Variants in TULP4 observed in about 807,000 individuals in gnomAD.
TULP4 encodes tubby-related protein 4.
A neutral mutation model predicts 129.0 loss-of-function variants in TULP4; 16 were observed. That is an observed-to-expected ratio of 0.12 (90% CI 0.08 to 0.19). TULP4 has a LOEUF of 0.19. Ranked by LOEUF, TULP4 falls within the 10% of genes least tolerant of loss-of-function variation. The pLI is 1.00. For synonymous variants in TULP4, 998 were observed against 854.0 expected, an observed-to-expected ratio of 1.17 and a Z score of -2.94; for missense variants, 1,842 against 2,059.1, an observed-to-expected ratio of 0.89 and a Z score of 2.04.
chr6:158,274,182 C>T (rs564487319), intron 1 of TULP4, among the ~76,000 whole-genome samples: 3 of 151,982 alleles, frequency 2.0e-5, no homozygotes, highest in Non-Finnish European at 4.4e-5. Context: ...TGCTTGAACC[C>T]GGGAGGTGGA....
At chr6:158,487,747 C>G (rs564383229) in intron 8 of TULP4, among the ~76,000 whole-genome samples, 44 of 152,360 alleles carry the variant, frequency 2.9e-4, no homozygotes, top group African/African-American at 1.0e-3. Flanking sequence ...GCAGGCAGTG[C>G]CTGCACGTGT....
intron 2 of TULP4, among the ~76,000 whole-genome samples, chr6:158,429,206 T>G (rs1778573252): frequency 6.6e-6 from 1 of 152,208 alleles, no homozygotes; most frequent in South Asian, 2.1e-4. Context: ...TGGCGCTATC[T>G]TGGCTCACTG....
At chr6:158,405,751 A>G (rs1241048099) in intron 1 of TULP4, among the ~76,000 whole-genome samples, 1 of 152,106 alleles carries the variant, frequency 6.6e-6, no homozygotes, top group Non-Finnish European at 1.5e-5. Context: ...TGGCGTTCCA[A>G]AGGCCACAAG....
intron 1 of TULP4, among the ~76,000 whole-genome samples, chr6:158,356,251 A>T (rs947826656): frequency 6.6e-6 from 1 of 152,222 alleles, no homozygotes; most frequent in African/African-American, 2.4e-5. Context: ...GGATAAAAAA[A>T]GGACCAAAGA....
At chr6:158,470,224 G>A (rs1305232480) in intron 6 of TULP4, among the ~76,000 whole-genome samples, 1 of 152,230 alleles carries the variant, frequency 6.6e-6, no homozygotes, top group Admixed American at 6.5e-5. Flanking sequence ...AGGGATGGGA[G>A]TCAGCGGCGG....
intron 8 of TULP4, among the ~76,000 whole-genome samples, chr6:158,485,186 C>G (rs1780037107): frequency 2.0e-5 from 3 of 152,148 alleles, no homozygotes; most frequent in Non-Finnish European, 2.9e-5. Flanking sequence ...GGATATGTAA[C>G]TGAAGAGATT....
At chr6:158,445,764 T>C (rs1779021655) in intron 3 of TULP4, among the ~76,000 whole-genome samples, 1 of 152,192 alleles carries the variant, frequency 6.6e-6, no homozygotes, top group South Asian at 2.1e-4. Context: ...AAGGATGCAG[T>C]CATGCGTTTC....
At chr6:158,408,444 T>C (rs1249813694) in intron 1 of TULP4, among the ~76,000 whole-genome samples, 4 of 152,232 alleles carry the variant, frequency 2.6e-5, no homozygotes, top group Non-Finnish European at 5.9e-5. Context: ...GTCTTTATCT[T>C]CTGGAGTTTT....
chr6:158,434,538 C>G (rs189103506), intron 3 of TULP4, among the ~76,000 whole-genome samples: 2 of 152,256 alleles, frequency 1.3e-5, no homozygotes, highest in Non-Finnish European at 2.9e-5. Flanking sequence ...TCTGCCAGAG[C>G]GAATGTTTCA....
At chr6:158,359,189 A>C (rs1780711457) in intron 1 of TULP4, among the ~76,000 whole-genome samples, 2 of 152,070 alleles carry the variant, frequency 1.3e-5, no homozygotes, top group African/African-American at 4.8e-5. Context: ...ATGGGTGTCC[A>C]CTTCGTTTAC....
rs192066155 is a variant in TULP4 at position 158,468,069 on chromosome 6, T to C, written c.1026+6340T>C. Among the ~76,000 whole-genome samples, 103 of 152,328 alleles carry C rather than the reference T, an allele frequency of 6.8e-4. 1 individual carries two copies. Among genetic ancestry groups the C allele is most frequent in the African/African-American group, 2.2e-3 (92 of 41,580 alleles). ...ACTCTGCTTTGCCAGTCCAGCTGTG[T>C]GGGAGCCGCTTACAGACTCCCTGCT... On this transcript the variant is annotated intron_variant, in intron 6 of 13. Coordinates refer to ENST00000367097, the MANE Select transcript of TULP4 (RefSeq NM_020245.5).
rs1211158748 is a variant in TULP4 at position 158,504,143 on chromosome 6, G to A, written c.4480G>A (p.Ala1494Thr). ...DFGGRVTQES[A>T]KNFQIELEGR... ...CGGGGGGCGGGTGACCCAGGAGTCCGCCAAGAACTTCCAGATTGAGTTAGA... is the reference window on the plus strand; with the variant it reads ...CGGGGGGCGGGTGACCCAGGAGTCCACCAAGAACTTCCAGATTGAGTTAGA... The change falls in exon 13 of 14, where the codon GCC (alanine) becomes ACC (threonine). Residue 1494 changes from alanine to threonine, a missense_variant. Physicochemically the swap from Ala to Thr is moderately conservative, Grantham distance 58. This residue lies in a region of TULP4 where 47 missense variants were observed against 104.0 expected (regional missense o/e 0.45). Coordinates refer to ENST00000367097, the MANE Select transcript of TULP4 (RefSeq NM_020245.5). 2.5e-6 allele frequency: 4 copies of A among 1,604,268 alleles called. No individual in the cohort carries two copies. Among genetic ancestry groups the A allele is most frequent in the Admixed American group, 3.4e-5 (2 of 58,712 alleles).
chr6:158,497,332 C>T (rs1452522859), intron 11 of TULP4, among the ~76,000 whole-genome samples: 2 of 152,200 alleles, frequency 1.3e-5, no homozygotes, highest in African/African-American at 4.8e-5. Flanking sequence ...CTCTAGTGAA[C>T]TTAAAAAGTG....
chr6:158,331,672 C>T (rs948552477), intron 1 of TULP4, among the ~76,000 whole-genome samples: 1 of 142,864 alleles, frequency 7.0e-6, no homozygotes, highest in African/African-American at 2.6e-5. Flanking sequence ...ATCTTTGCTG[C>T]TGGACTCGTT....
intron 1 of TULP4, among the ~76,000 whole-genome samples, chr6:158,272,510 CAGAA>C (rs1157187656): frequency 1.3e-5 from 2 of 152,098 alleles, no homozygotes; most frequent in African/African-American, 2.4e-5. Context: ...GCAGAGGAGA[CAGAA>C]AGAATCACAA....
upstream of TULP4, among the ~76,000 whole-genome samples, chr6:158,310,718 T>G (rs946405591): frequency 3.3e-5 from 5 of 152,086 alleles, no homozygotes; most frequent in African/African-American, 1.2e-4. Flanking sequence ...GGGCCAAACA[T>G]TCAAACCATG....
At chr6:158,319,663 T>G (rs1395446544) in intron 1 of TULP4, among the ~76,000 whole-genome samples, 2 of 152,258 alleles carry the variant, frequency 1.3e-5, no homozygotes, top group African/African-American at 4.8e-5. Context: ...TTTTATATTA[T>G]GTAAGTATTT....
At chr6:158,282,008 T>A (rs1778762789), upstream of TULP4, among the ~76,000 whole-genome samples, 1 of 152,160 alleles carries the variant, frequency 6.6e-6, no homozygotes, top group African/African-American at 2.4e-5. Context: ...CAGGCCAAGT[T>A]TTTTATAGTT....
rs115480179 is a variant in TULP4 at position 158,437,760 on chromosome 6, G to A, written c.543+7863G>A. On this transcript the variant is annotated intron_variant, in intron 3 of 13. Transcript: ENST00000367097. Reference sequence around the variant, plus strand: ...ACAATTTAGAACTCAAGGAGATTTCGTAACTCCCCAGAGTATCCAAGTAAT... The same window carrying A: ...ACAATTTAGAACTCAAGGAGATTTCATAACTCCCCAGAGTATCCAAGTAAT... 1.9e-3 allele frequency: 295 copies of A among 152,110 alleles called. 2 individuals are homozygous for A. Among genetic ancestry groups the A allele is most frequent in the African/African-American group, 6.5e-3 (270 of 41,490 alleles). The allele number at this position is 152,110 out of a possible 1,614,324, so 9.4% of individuals were successfully genotyped here.
Sources: allele counts gnomAD v4.1 joint callset (sites outside exome capture counted in the v4.1 genomes callset), GRCh38; gene constraint gnomAD v4.1.1; regional missense constraint gnomAD v4.1.1; transcripts MANE v1.5; gene names NCBI Gene and HGNC (gene_info 2026-07-23, HGNC 2026-07-21).